GRM7: variants seen among roughly 807,000 people sequenced by gnomAD.
GRM7 encodes the protein metabotropic glutamate receptor 7.
A neutral mutation model predicts 84.5 loss-of-function variants in GRM7; 35 were observed. The ratio of observed to expected loss-of-function variants is 0.41; its 90% confidence interval spans 0.32 to 0.55. The LOEUF is 0.55. Ranked by LOEUF, GRM7 falls within the 20% of genes least tolerant of loss-of-function variation. GRM7 has a pLI of 0.19. For synonymous variants in GRM7, 487 were observed against 455.1 expected (o/e 1.07, Z -0.89); for missense variants, 1,003 against 1,194.6 (o/e 0.84, Z 2.36).
chr3:7,059,357 CT>C (rs1437152921), intron 1 of GRM7, among the ~76,000 whole-genome samples: 1 of 151,782 alleles, frequency 6.6e-6, no homozygotes, highest in Non-Finnish European at 1.5e-5. Context: ...GTCTCTCCTT[CT>C]TCTTTCCCCC....
rs1200564622 is a variant in GRM7 at position 6,862,398 on chromosome 3, A to C, written c.519+491A>C. Among the ~76,000 whole-genome samples, 1 of 151,992 alleles carries C rather than the reference A, an allele frequency of 6.6e-6. No homozygotes were observed. The highest frequency in any genetic ancestry group is 1.5e-5 in the Non-Finnish European group (1 of 67,998). On this transcript the variant is annotated intron_variant, in intron 1 of 9. Transcript: ENST00000357716. The surrounding 1 kb of genome is among the most constrained non-coding windows in gnomAD (Gnocchi z 5.2). ...AATTTGGAGACAGCCTTAAGGAGGC[A>C]CTTCTTAAATCGAGGGCTCCGTCTT...
chr3:7,470,309 C>T (rs1412254144), intron 7 of GRM7, among the ~76,000 whole-genome samples: 1 of 152,156 alleles, frequency 6.6e-6, no homozygotes, highest in Admixed American at 6.5e-5. Context: ...TATCCCAAAA[C>T]ATTCCATAAT....
chr3:7,129,619 A>G (rs937505054), intron 1 of GRM7, among the ~76,000 whole-genome samples: 16 of 152,096 alleles, frequency 1.1e-4, no homozygotes, highest in African/African-American at 3.9e-4. Flanking sequence ...GTCTTTTTCC[A>G]TATCCCCTTT....
At chr3:7,085,450 T>C (rs756111474) in intron 1 of GRM7, among the ~76,000 whole-genome samples, 12 of 152,194 alleles carry the variant, frequency 7.9e-5, no homozygotes, top group Non-Finnish European at 1.3e-4. Flanking sequence ...GTAATGACAT[T>C]ATTCTCTACC....
Position 7,600,557 on chromosome 3 carries a change from C to T in GRM7, c.2451+21200C>T, listed in dbSNP as rs530758890. Among the ~76,000 whole-genome samples, 75 of 152,192 alleles carry T rather than the reference C, an allele frequency of 4.9e-4. 1 individual carries two copies. Among genetic ancestry groups the T allele is most frequent in the South Asian group, 4.4e-3 (21 of 4,808 alleles). On this transcript the variant is annotated intron_variant, in intron 8 of 9. Transcript: ENST00000357716. ...AAATAGAGTTAAAGAGCCAGGGCTG[C>T]GGTTAAGTTCTGCCTGTCTACCTGT...
At chr3:7,570,865 T>G (rs148182501) in intron 7 of GRM7, among the ~76,000 whole-genome samples, 2,219 of 152,320 alleles carry the variant, frequency 0.015, 31 homozygotes, top group Middle Eastern at 0.034. Flanking sequence ...TCCAGGAGTT[T>G]CCATACATCC....
chr3:7,369,178 C>A (rs115211847), intron 4 of GRM7, among the ~76,000 whole-genome samples: 1 of 152,082 alleles, frequency 6.6e-6, no homozygotes. Context: ...ACACAGCCTC[C>A]GGAGTAGCCA....
intron 2 of GRM7, among the ~76,000 whole-genome samples, chr3:7,205,557 T>C (rs191481596): frequency 6.5e-4 from 99 of 152,348 alleles, no homozygotes; most frequent in African/African-American, 2.3e-3. Flanking sequence ...CCTTTTGATA[T>C]TGCTTTCCAA....
chr3:6,941,617 C>A (rs1658428331), intron 1 of GRM7, among the ~76,000 whole-genome samples: 1 of 152,314 alleles, frequency 6.6e-6, no homozygotes, highest in South Asian at 2.1e-4. Flanking sequence ...CATTTAAATA[C>A]AGGTCAAAAA....
chr3:7,080,466 T>C (rs1360471136), intron 1 of GRM7, among the ~76,000 whole-genome samples: 1 of 152,006 alleles, frequency 6.6e-6, no homozygotes, highest in African/African-American at 2.4e-5. Flanking sequence ...TTCAAAGTGA[T>C]AGGAAAAAGG....
intron 5 of GRM7, among the ~76,000 whole-genome samples, chr3:7,426,330 G>GT (rs982387003): frequency 2.0e-5 from 3 of 152,010 alleles, no homozygotes; most frequent in African/African-American, 7.3e-5. Context: ...TGTTGGTCAG[G>GT]TTTCTACAAG....
chr3:7,168,473 C>A (rs187345519), intron 2 of GRM7, among the ~76,000 whole-genome samples: 108 of 152,240 alleles, frequency 7.1e-4, no homozygotes, highest in African/African-American at 2.4e-3. Context: ...TCTCTCTTTC[C>A]ACCATGCAAG....
intron 7 of GRM7, among the ~76,000 whole-genome samples, chr3:7,501,619 G>C (rs1464359913): frequency 6.6e-6 from 1 of 152,124 alleles, no homozygotes; most frequent in Non-Finnish European, 1.5e-5. Flanking sequence ...CACAGGACTT[G>C]ACTTCTTATC....
chr3:7,507,311 C>G (rs906912163), intron 7 of GRM7, among the ~76,000 whole-genome samples: 3 of 152,102 alleles, frequency 2.0e-5, no homozygotes, highest in Non-Finnish European at 4.4e-5. Context: ...CAGGACACAG[C>G]TACTGGGACA....
At chr3:7,180,772 A>G (rs1395228232) in intron 2 of GRM7, among the ~76,000 whole-genome samples, 1 of 152,206 alleles carries the variant, frequency 6.6e-6, no homozygotes, top group African/African-American at 2.4e-5. Context: ...AATGCAGCAA[A>G]GAAATGTTCC....
In GRM7 at chr3:7,359,072, A is replaced by C. The variant is rs140282289; in HGVS notation, c.1033+52420A>C. Among the ~76,000 whole-genome samples, 882 of 148,284 alleles carry C rather than the reference A, an allele frequency of 5.9e-3. 5 individuals are homozygous for C. Among genetic ancestry groups the C allele is most frequent in the African/African-American group, 0.021 (833 of 40,462 alleles). ...AGTTGTGGTGAGCCGAGATCATGCC[A>C]CTGCACTCCAGCCTGAGTGATAGAG... On this transcript the variant is annotated intron_variant, in intron 4 of 9. Transcript: ENST00000357716.
chr3:7,571,631 A>T (rs2125046161), intron 7 of GRM7, among the ~76,000 whole-genome samples: 1 of 152,282 alleles, frequency 6.6e-6, no homozygotes, highest in Middle Eastern at 3.4e-3. Flanking sequence ...AAACTTTCCC[A>T]CATTTTCCTG....
At chr3:7,174,420 A>G (rs1695079477) in intron 2 of GRM7, among the ~76,000 whole-genome samples, 1 of 152,228 alleles carries the variant, frequency 6.6e-6, no homozygotes, top group Non-Finnish European at 1.5e-5. Flanking sequence ...TTTTTTTAGA[A>G]TCATCATGCT....
At chr3:6,882,151 A>G (rs1280054850) in intron 1 of GRM7, among the ~76,000 whole-genome samples, 1 of 152,070 alleles carries the variant, frequency 6.6e-6, no homozygotes, top group Non-Finnish European at 1.5e-5. Flanking sequence ...GGTATAGCAT[A>G]CCTAGACCCT....
Sources: allele counts gnomAD v4.1 joint callset (sites outside exome capture counted in the v4.1 genomes callset), GRCh38; gene constraint gnomAD v4.1.1; non-coding constraint Gnocchi (gnomAD v3.1); transcripts MANE v1.5; gene names NCBI Gene and HGNC (gene_info 2026-07-23, HGNC 2026-07-21).